Variants in CAPN12 observed in about 807,000 individuals in gnomAD.
CAPN12 encodes calpain-12.
CAPN12 carries 107 observed loss-of-function variants against 95.0 expected under a neutral mutation model. The observed-to-expected ratio is 1.13, with a 90% CI of 0.96 to 1.32. The LOEUF (loss-of-function observed/expected upper bound fraction) is 1.32. Ranked by LOEUF, CAPN12 falls within the 40% of genes most tolerant of loss-of-function variation. CAPN12 has a pLI of 0.00. For synonymous variants in CAPN12, 505 were observed against 415.5 expected (o/e 1.22, Z -2.62); for missense variants, 1,136 against 997.8 (o/e 1.14, Z -1.87).
rs746110801 is a variant in CAPN12 at position 38,741,892 on chromosome 19, A to G, written c.445T>C (p.Trp149Arg). Residue 149 changes from tryptophan (W) to arginine (R), a missense_variant, in exon 4 of 21, where the codon TGG (tryptophan) becomes CGG (arginine). Physicochemically the swap from Trp to Arg is moderately radical, Grantham distance 101 (BLOSUM62 -3). Transcript: ENST00000328867. ...CTGTCATCCACCACGACGTCCATCC[A>G]GCGGCCAAACTGCCAGAGCTGGTGG... is the stretch of plus-strand genomic sequence containing the variant. ...FHFQLWQFGRWMDVVVDDRLP... is the reference protein window; with the variant it reads ...FHFQLWQFGRRMDVVVDDRLP... 4.3e-6 allele frequency: 7 copies of G among 1,614,040 alleles called. No individual in the cohort carries two copies. In the East Asian group the frequency reaches 1.6e-4, roughly 36 times the overall value.
intron 1 of CAPN12, among the ~76,000 whole-genome samples, chr19:38,743,634 C>T (rs1178415301): frequency 7.0e-6 from 1 of 143,282 alleles, no homozygotes; most frequent in Non-Finnish European, 1.5e-5. Context: ...TTGGCCTCTC[C>T]TCCCTCAGAT....
In CAPN12 at chr19:38,730,224, T is replaced by TTTA. The variant is rs1259686661; in HGVS notation, c.*625_*627dup. Reference sequence around the variant, plus strand: ...ACTATTTACTTTATTAACTTACGGATTTATTATATAAATATATATTCACCT... The same window carrying TTTA: ...ACTATTTACTTTATTAACTTACGGATTTATTATTATATAAATATATATTCACCT... On this transcript the variant is annotated 3_prime_UTR_variant, in exon 21 of 21. Transcript: ENST00000328867. The TTTA allele has an allele frequency of 6.4e-6, 1 of 157,126 alleles. No individual in the cohort carries two copies. The highest frequency in any genetic ancestry group is 1.4e-5 in the Non-Finnish European group (1 of 70,946). 9.7% of individuals were successfully genotyped at this position (157,126 alleles called of 1,614,324 possible).
At chr19:38,734,916 G>T in intron 14 of CAPN12, 46 bp from the exon 15 acceptor site, 1 of 1,589,118 alleles carries the variant, frequency 6.3e-7, no homozygotes, top group Non-Finnish European at 8.6e-7. Context: ...TCATCCAGCT[G>T]CTCTGGGCCA....
At position 38,734,958 on chromosome 19, in the gene CAPN12, C is replaced by T. The variant is rs1052571494; in HGVS notation, c.1687-88G>A. 1.4e-5 allele frequency: 17 copies of T among 1,209,782 alleles called. No homozygotes were observed. The East Asian group carries it at 4.0e-4, about 28-fold the overall frequency. The allele number at this position is 1,209,782 out of a possible 1,614,324, so 74.9% of individuals were successfully genotyped here. A position where few individuals can be genotyped will look rare whatever the true frequency, so the allele number is the denominator to read the frequency against. ...GTGCTAGGGACACGGCAGGGGCTGA[C>T]AGAGCCTCAGAGCCCTAGCTCCAGG... On this transcript the variant is annotated intron_variant, in intron 14 of 20. Coordinates refer to ENST00000328867, the MANE Select transcript of CAPN12 (RefSeq NM_144691.4).
rs866828435 is a variant in CAPN12 at position 38,731,134 on chromosome 19, A to G, written c.2047T>C (p.Cys683Arg). ...LRVDFERFVS[C>R]VAHLTCIFCH... ...AAGATGCAGGTGAGGTGGGCCACAC[A>G]GGACACGAACCGCTCGAAGTCCACA... is the stretch of plus-strand genomic sequence containing the variant. Residue 683 changes from cysteine to arginine, a missense_variant, in exon 19 of 21, where the codon TGT becomes CGT. Physicochemically the swap from Cys to Arg is radical, Grantham distance 180 (BLOSUM62 -3). Coordinates refer to ENST00000328867, the MANE Select transcript of CAPN12 (RefSeq NM_144691.4). The G allele has an allele frequency of 2.5e-6, 4 of 1,612,654 alleles. No homozygotes were observed. In the African/African-American group the frequency reaches 5.3e-5, roughly 22 times the overall value.
intron 5 of CAPN12, chr19:38,738,934 C>T (rs181222161): frequency 1.2e-5 from 6 of 490,756 alleles, no homozygotes; most frequent in African/African-American, 7.8e-5. Context: ...GAGTCCAAGA[C>T]CAGCCTGGGC....
chr19:38,741,297 G>A (rs1466910373), intron 4 of CAPN12, among the ~76,000 whole-genome samples: 2 of 152,150 alleles, frequency 1.3e-5, no homozygotes, highest in African/African-American at 4.8e-5. Flanking sequence ...GTACAGCTGA[G>A]CACAGTGGCT....
chr19:38,735,065 G>A, intron 14 of CAPN12, 195 bp from the exon 15 acceptor site: 1 of 618,004 alleles, frequency 1.6e-6, no homozygotes, highest in East Asian at 2.8e-5. Flanking sequence ...TGGGGGGCCA[G>A]CAGACCGGCC....
At chr19:38,737,880 A>G (rs1970312980) in intron 8 of CAPN12, among the ~76,000 whole-genome samples, 1 of 152,050 alleles carries the variant, frequency 6.6e-6, no homozygotes. Flanking sequence ...TTAAATTGCC[A>G]CCAACCCCCA....
intron 5 of CAPN12, chr19:38,739,759 C>T (rs1035304357): frequency 3.7e-6 from 1 of 272,958 alleles, no homozygotes; most frequent in Non-Finnish European, 6.7e-6. Context: ...GAGATACCTG[C>T]AGCTATGGGG....
At chr19:38,736,866 A>ATTCCCTTAGCTCCCTCTCC in intron 10 of CAPN12, 1 of 526,024 alleles carries the variant, frequency 1.9e-6, no homozygotes, top group Non-Finnish European at 3.3e-6. Context: ...CCTCCCTCTC[A>ATTCCCTTAGCTCCCTCTCC]TTCCCTTAGC....
In CAPN12 at chr19:38,735,519, C is replaced by T. The variant is rs1363843855; in HGVS notation, c.1609G>A (p.Asp537Asn). The change falls in exon 13 of 21, where the codon GAC (aspartate) becomes AAC (asparagine). Residue 537 changes from aspartate to asparagine, a missense_variant. By Grantham distance (23) the Asp-to-Asn change is conservative (BLOSUM62 1). Coordinates refer to ENST00000328867, the MANE Select transcript of CAPN12 (RefSeq NM_144691.4). ...AVEIDDVISA[D>N]LQSLQGPYLP... Reference sequence around the variant, plus strand: ...GTCCCCACCTGGAGAGACTGCAGGTCTGCGCTGATCACGTCGTCGATCTCC... The same window carrying T: ...GTCCCCACCTGGAGAGACTGCAGGTTTGCGCTGATCACGTCGTCGATCTCC... 13 of 1,610,944 alleles carry T rather than the reference C, an allele frequency of 8.1e-6. No individual in the cohort carries two copies. Among genetic ancestry groups the T allele is most frequent in the Non-Finnish European group, 1.1e-5 (13 of 1,179,494 alleles).
rs1568787279 is a variant in CAPN12, at chr19:38,737,548, G to GC, written c.1055dup (p.Gly353ArgfsTer23). ...CTTGGAAGGTGTGGACGTGCCAGCC[G>GC]CCCCCCTCCGGGCTGGGGCCCAGCA... is the stretch of plus-strand genomic sequence containing the variant. On this transcript the variant is annotated frameshift_variant, in exon 9 of 21. Transcript: ENST00000328867. LOFTEE classifies it high-confidence loss of function. 3.7e-6 allele frequency: 6 copies of GC among 1,612,390 alleles called. No homozygotes were observed. The South Asian group carries it at 4.4e-5, about 12-fold the overall frequency.
chr19:38,740,262 C>T (rs780785109), intron 4 of CAPN12, 43 bp from the exon 5 acceptor site: 48 of 1,524,000 alleles, frequency 3.1e-5, no homozygotes, highest in Middle Eastern at 1.8e-4. Context: ...CAAGTACAAG[C>T]GTCTCAGGCA....
rs35341175 is a variant in CAPN12 at position 38,742,328 on chromosome 19, C to CA, written c.426+81dup. On this transcript the variant is annotated intron_variant, in intron 3 of 20. Coordinates refer to ENST00000328867, the MANE Select transcript of CAPN12 (RefSeq NM_144691.4). Reference sequence around the variant, plus strand: ...TGGATGACAGAGTGAGATTCCATCTCAAAAAAAAAAAAAAAGAAAAATCCA... The same window carrying CA: ...TGGATGACAGAGTGAGATTCCATCTCAAAAAAAAAAAAAAAAGAAAAATCCA... The CA allele has an allele frequency of 0.18, 138,829 of 776,748 alleles. 304 individuals carry two copies. Among genetic ancestry groups the CA allele is most frequent in the South Asian group, 0.21 (12,120 of 58,724 alleles). The allele number at this position is 776,748 out of a possible 1,614,324, so 48.1% of individuals were successfully genotyped here. A position where few individuals can be genotyped will look rare whatever the true frequency, so the allele number is the denominator to read the frequency against.
rs925421827 is a variant in CAPN12 at position 38,734,951 on chromosome 19, G to A, written c.1687-81C>T. Reference sequence around the variant, plus strand: ...AAGCCCTGTGCTAGGGACACGGCAGGGGCTGACAGAGCCTCAGAGCCCTAG... The same window carrying A: ...AAGCCCTGTGCTAGGGACACGGCAGAGGCTGACAGAGCCTCAGAGCCCTAG... On this transcript the variant is annotated intron_variant, in intron 14 of 20. Transcript: ENST00000328867. 10 of 1,377,128 alleles carry A rather than the reference G, an allele frequency of 7.3e-6. No homozygotes were observed. The Middle Eastern group carries it at 1.1e-3, about 151-fold the overall frequency. The allele number at this position is 1,377,128 out of a possible 1,614,324, so 85.3% of individuals were successfully genotyped here. A position where few individuals can be genotyped will look rare whatever the true frequency, so the allele number is the denominator to read the frequency against.
chr19:38,730,523 TA>T lies in CAPN12; in HGVS notation c.*328del. The T allele has an allele frequency of 2.5e-6, 1 of 397,864 alleles. No individual in the cohort carries two copies. The highest frequency in any genetic ancestry group is 4.1e-5 in the South Asian group (1 of 24,524). 24.6% of individuals were successfully genotyped at this position (397,864 alleles called of 1,614,324 possible). On this transcript the variant is annotated 3_prime_UTR_variant, in exon 21 of 21. Coordinates refer to ENST00000328867, the MANE Select transcript of CAPN12 (RefSeq NM_144691.4). ...AGGATAATAAAACATGTAATATTTT[TA>T]AGAAGGATTCCTGCAGCATCATCTT...
chr19:38,733,656 A>G (rs770259359), intron 18 of CAPN12, 47 bp downstream of exon 18: 2 of 1,521,444 alleles, frequency 1.3e-6, no homozygotes, highest in Non-Finnish European at 1.8e-6. Flanking sequence ...ATGGGATGGG[A>G]GAGAACAGGT....
Position 38,730,440 on chromosome 19 carries a change from TGA to T in CAPN12, c.*410_*411del, listed in dbSNP as rs948600089. The T allele has an allele frequency of 2.2e-5, 4 of 180,638 alleles. No homozygotes were observed. In the East Asian group the frequency reaches 4.5e-4, roughly 20 times the overall value. 11.2% of individuals were successfully genotyped at this position (180,638 alleles called of 1,614,324 possible). ...TTTTGCTCCCCCTACCTTTTTTTTT[TGA>T]GTTTATTCTGATTGATTTTTTTTCT... is the stretch of plus-strand genomic sequence containing the variant. On this transcript the variant is annotated 3_prime_UTR_variant, in exon 21 of 21. Transcript: ENST00000328867.
Sources: gnomAD v4.1 joint callset for allele counts (sites outside exome capture counted in the v4.1 genomes callset) on GRCh38, gnomAD v4.1.1 for gene constraint, MANE v1.5 for transcripts, NCBI Gene and HGNC (gene_info 2026-07-23, HGNC 2026-07-21) for gene names.